The following CFAP20DC variants were observed in gnomAD, a reference collection of about 807,000 sequenced individuals.
CFAP20DC encodes protein CFAP20DC.
Under a neutral mutation model 101.7 loss-of-function variants are expected in CFAP20DC, and 84 were observed. That is an observed-to-expected ratio of 0.83 (90% CI 0.69 to 0.99). The LOEUF (loss-of-function observed/expected upper bound fraction) is 0.99. Among genes scored for constraint, CFAP20DC ranks in the 50% least tolerant of loss-of-function variants. CFAP20DC has a pLI of 0.00. For missense variants in CFAP20DC, 1,007 were observed against 970.3 expected, an observed-to-expected ratio of 1.04 and a Z score of -0.50; for synonymous variants, 359 against 351.2, an observed-to-expected ratio of 1.02 and a Z score of -0.25.
chr3:58,848,154 A>G (rs911126224), intron 13 of CFAP20DC, among the ~76,000 whole-genome samples: 13 of 71,278 alleles, frequency 1.8e-4, no homozygotes, highest in African/African-American at 8.8e-4. Context: ...GTACCCTAAA[A>G]CTTAAAGTAT....
In CFAP20DC at chr3:58,771,888, C is replaced by A. The variant is rs566039605; in HGVS notation, c.2238-18025G>T. On this transcript the variant is annotated intron_variant, in intron 15 of 16. Coordinates refer to ENST00000482387, the MANE Select transcript of CFAP20DC (RefSeq NM_001394063.1). ...CATCGTTATAATGGTATATAGTCTT[C>A]TGGGTCTAGCCCTTCTTTGAGTCTT... is the stretch of plus-strand genomic sequence containing the variant. Among the ~76,000 whole-genome samples, 6 of 152,296 alleles carry A rather than the reference C, an allele frequency of 3.9e-5. No homozygotes were observed. In the South Asian group the frequency reaches 1.2e-3, roughly 32 times the overall value.
chr3:59,035,535 C>A (rs2094083393), intron 4 of CFAP20DC, among the ~76,000 whole-genome samples: 3 of 152,140 alleles, frequency 2.0e-5, no homozygotes, highest in Admixed American at 2.0e-4. Context: ...CACAGAAAAA[C>A]AAACTATCAT....
intron 16 of CFAP20DC, among the ~76,000 whole-genome samples, chr3:58,750,602 T>C (rs2068500966): frequency 6.6e-6 from 1 of 152,336 alleles, no homozygotes; most frequent in Middle Eastern, 3.4e-3. Context: ...AGGGCAATGA[T>C]GTGGGGGAAG....
chr3:58,819,725 G>A (rs375341768), intron 14 of CFAP20DC, among the ~76,000 whole-genome samples: 3 of 134,228 alleles, frequency 2.2e-5, no homozygotes, highest in Admixed American at 7.4e-5. Context: ...AAGGAGGAAC[G>A]GGTACCATTC....
chr3:58,849,502 A>T (rs1202337762), intron 12 of CFAP20DC, 93 bp from the exon 13 acceptor site: 12 of 970,374 alleles, frequency 1.2e-5, no homozygotes, highest in Non-Finnish European at 1.8e-5. Flanking sequence ...CATATTTTCT[A>T]TGAATAAAGC....
Position 58,869,216 on chromosome 3 carries a change from C to A in CFAP20DC, c.1015+112G>T. On this transcript the variant is annotated intron_variant, in intron 9 of 16. Transcript: ENST00000482387. This position sits in a 1 kb window ranked among gnomAD's most constrained non-coding sequence, Gnocchi z 4.3. ...AACCACCCTTTTCATTATTAAATGA[C>A]AATTCTCTAGACTTAAGATCTAGAC... The A allele has an allele frequency of 1.3e-6, 1 of 778,528 alleles. No individual in the cohort carries two copies. Among genetic ancestry groups the A allele is most frequent in the South Asian group, 2.5e-5 (1 of 39,250 alleles). 48.2% of individuals were successfully genotyped at this position (778,528 alleles called of 1,614,324 possible).
chr3:58,874,208 T>A lies in CFAP20DC; in HGVS notation c.716-3899A>T, dbSNP rs755440932. Among the ~76,000 whole-genome samples, 1 of 152,126 alleles carries A rather than the reference T, an allele frequency of 6.6e-6. No individual in the cohort carries two copies. The highest frequency in any genetic ancestry group is 6.5e-5 in the Admixed American group (1 of 15,274). ...CTGGTTTGAAAAGTCAGAATCTAGG[T>A]GTCATGCTTGACACCTTCCCCTGAT... is the stretch of plus-strand genomic sequence containing the variant. On this transcript the variant is annotated intron_variant, in intron 7 of 16. Coordinates refer to ENST00000482387, the MANE Select transcript of CFAP20DC (RefSeq NM_001394063.1). This position sits in a 1 kb window ranked among gnomAD's most constrained non-coding sequence, Gnocchi z 5.1.
intron 14 of CFAP20DC, among the ~76,000 whole-genome samples, chr3:58,831,283 G>A (rs1266766022): frequency 6.6e-6 from 1 of 152,148 alleles, no homozygotes; most frequent in Non-Finnish European, 1.5e-5. Flanking sequence ...TCATATCCAA[G>A]CAATACTTGT....
chr3:58,945,621 T>A (rs2107922027), intron 4 of CFAP20DC, among the ~76,000 whole-genome samples: 1 of 152,170 alleles, frequency 6.6e-6, no homozygotes, highest in African/African-American at 2.4e-5. Flanking sequence ...CTCCTGAGAA[T>A]CACTGATTGC....
intron 12 of CFAP20DC, among the ~76,000 whole-genome samples, chr3:58,851,940 T>A (rs922999404): frequency 6.6e-6 from 1 of 152,128 alleles, no homozygotes. Context: ...TTTGTGGGTG[T>A]TTTTCAGCGA....
At chr3:59,033,451 G>C (rs2094034841) in intron 4 of CFAP20DC, among the ~76,000 whole-genome samples, 1 of 152,020 alleles carries the variant, frequency 6.6e-6, no homozygotes, top group Non-Finnish European at 1.5e-5. Context: ...TAAGAACCTT[G>C]AAAAAAGGTT....
chr3:59,017,593 AC>A (rs1302537547), intron 4 of CFAP20DC: 2 of 152,130 alleles, frequency 1.3e-5, no homozygotes, highest in Non-Finnish European at 2.9e-5. Flanking sequence ...AAAAAACCCT[AC>A]ATCCATTTTT....
rs745735681 is a variant in CFAP20DC at position 58,892,338 on chromosome 3, A to G, written c.551-7629T>C. Reference sequence around the variant, plus strand: ...CAGATTCTTTTTTGGTTCCACATGAATTTTAAAGTAGTTTCTTTCTAATTC... The same window carrying G: ...CAGATTCTTTTTTGGTTCCACATGAGTTTTAAAGTAGTTTCTTTCTAATTC... On this transcript the variant is annotated intron_variant, in intron 6 of 16. Transcript: ENST00000482387. The surrounding 1 kb of genome is among the most constrained non-coding windows in gnomAD (Gnocchi z 4.0). 7.2e-5 allele frequency among the ~76,000 whole-genome samples: 11 copies of G among 152,338 alleles called. No homozygotes were observed. Among genetic ancestry groups the G allele is most frequent in the Non-Finnish European group, 1.2e-4 (8 of 68,024 alleles).
intron 5 of CFAP20DC, among the ~76,000 whole-genome samples, chr3:58,924,410 T>C (rs1158825410): frequency 3.3e-5 from 5 of 151,888 alleles, no homozygotes; most frequent in African/African-American, 1.2e-4. Flanking sequence ...TATGATTTCA[T>C]TCTTTTTTTA....
intron 14 of CFAP20DC, among the ~76,000 whole-genome samples, chr3:58,817,188 G>GA (rs558260393): frequency 0.026 from 3,961 of 152,014 alleles, 177 homozygotes; most frequent in African/African-American, 0.089. Flanking sequence ...CAAAGATGGG[G>GA]AAAAAACAGA....
chr3:58,848,453 T>TTCTCAATTCCCTAA (rs2077921843), intron 13 of CFAP20DC, among the ~76,000 whole-genome samples: 1 of 152,150 alleles, frequency 6.6e-6, no homozygotes, highest in African/African-American at 2.4e-5. Flanking sequence ...AGTTTCTAAG[T>TTCTCAATTCCCTAA]GCAGCTTATA....
chr3:58,928,680 T>A (rs868287701), intron 5 of CFAP20DC, among the ~76,000 whole-genome samples: 1 of 152,208 alleles, frequency 6.6e-6, no homozygotes, highest in South Asian at 2.1e-4. Context: ...CATTGGCATA[T>A]GGGCCTGAGG....
At chr3:58,881,998 G>A (rs1422219043) in intron 7 of CFAP20DC, among the ~76,000 whole-genome samples, 1 of 152,140 alleles carries the variant, frequency 6.6e-6, no homozygotes, top group Non-Finnish European at 1.5e-5. Context: ...TTTACAGAAA[G>A]AGAACCACAA....
At chr3:58,931,589 G>T (rs547683971) in intron 5 of CFAP20DC, among the ~76,000 whole-genome samples, 2 of 152,162 alleles carry the variant, frequency 1.3e-5, no homozygotes, top group African/African-American at 2.4e-5. Context: ...CCAGAGGAAC[G>T]ATCAGACAGC....
Sources: gnomAD v4.1 joint callset for allele counts (sites outside exome capture counted in the v4.1 genomes callset) on GRCh38, gnomAD v4.1.1 for gene constraint, Gnocchi (gnomAD v3.1) non-coding constraint, MANE v1.5 for transcripts, NCBI Gene and HGNC (gene_info 2026-07-23, HGNC 2026-07-21) for gene names.